SEMA6D: variants seen among roughly 807,000 people sequenced by gnomAD.
SEMA6D encodes the protein semaphorin 6D, also known as semaphorin-6D.
In SEMA6D, 35 loss-of-function variants were observed where a neutral mutation model predicts 106.6. That is an observed-to-expected ratio of 0.33 (90% confidence interval 0.25 to 0.44). The LOEUF (loss-of-function observed/expected upper bound fraction) is 0.44. Among genes scored for constraint, SEMA6D ranks in the 20% least tolerant of loss-of-function variants. The pLI is 1.00. For missense variants in SEMA6D, 1,185 were observed against 1,345.9 expected, an observed-to-expected ratio of 0.88 and a Z score of 1.87; for synonymous variants, 499 against 487.7, an observed-to-expected ratio of 1.02 and a Z score of -0.31.
intron 2 of SEMA6D, among the ~76,000 whole-genome samples, chr15:47,448,381 T>C (rs2042090345): frequency 6.6e-6 from 1 of 151,870 alleles, no homozygotes; most frequent in South Asian, 2.1e-4. Flanking sequence ...GAGGCTTCAG[T>C]GATTTGTGGC....
intron 3 of SEMA6D, among the ~76,000 whole-genome samples, chr15:47,548,923 A>G (rs1296897633): frequency 1.3e-5 from 2 of 152,078 alleles, no homozygotes; most frequent in Non-Finnish European, 2.9e-5. Flanking sequence ...TAAATATAAT[A>G]TCAGTATTAT....
At chr15:47,309,736 T>C (rs1323531907) in intron 1 of SEMA6D, among the ~76,000 whole-genome samples, 1 of 152,166 alleles carries the variant, frequency 6.6e-6, no homozygotes, top group Non-Finnish European at 1.5e-5. Flanking sequence ...TCAGAACACT[T>C]ATATTAGCCT....
chr15:47,349,733 C>G (rs1361269825), intron 1 of SEMA6D, among the ~76,000 whole-genome samples: 1 of 111,398 alleles, frequency 9.0e-6, no homozygotes, highest in East Asian at 2.4e-4. Context: ...AATAGAAAAA[C>G]AGATTTTGGT....
At chr15:47,276,840 G>T (rs2034840503) in intron 1 of SEMA6D, among the ~76,000 whole-genome samples, 1 of 152,138 alleles carries the variant, frequency 6.6e-6, no homozygotes, top group African/African-American at 2.4e-5. Context: ...TCCTATGAAG[G>T]ATCTGGGCAA....
intron 1 of SEMA6D, among the ~76,000 whole-genome samples, chr15:47,369,285 C>T (rs867537262): frequency 6.6e-6 from 1 of 152,106 alleles, no homozygotes; most frequent in Non-Finnish European, 1.5e-5. Context: ...AAAACATTGT[C>T]GAAAGTTGCA....
At position 47,351,053 on chromosome 15, in the gene SEMA6D, C is replaced by G. The variant is rs78527568; in HGVS notation, c.-238-61340C>G. On this transcript the variant is annotated intron_variant, in intron 1 of 19. Transcript: ENST00000558014. Reference sequence around the variant, plus strand: ...GCCTGACTCTTCATTAAATACCCTGCCCAGCTGTCAAGCTAAGCAGCCTCT... The same window carrying G: ...GCCTGACTCTTCATTAAATACCCTGGCCAGCTGTCAAGCTAAGCAGCCTCT... Among the ~76,000 whole-genome samples the G allele has an allele frequency of 1.1e-4, 16 of 152,264 alleles. No individual in the cohort carries two copies. The East Asian group carries it at 3.1e-3, about 29-fold the overall frequency.
intron 2 of SEMA6D, among the ~76,000 whole-genome samples, chr15:47,418,172 A>C (rs1252528078): frequency 6.6e-6 from 1 of 152,114 alleles, no homozygotes; most frequent in Non-Finnish European, 1.5e-5. Context: ...AGGAAGTGAG[A>C]CAGCAAGCCA....
At chr15:47,552,823 T>A (rs796676056) in intron 3 of SEMA6D, among the ~76,000 whole-genome samples, 3 of 54,180 alleles carry the variant, frequency 5.5e-5, no homozygotes, top group African/African-American at 2.2e-4. Context: ...TATAAATATA[T>A]ATATTTTTAT....
intron 4 of SEMA6D, among the ~76,000 whole-genome samples, chr15:47,619,139 G>A (rs1028950466): frequency 2.6e-5 from 4 of 152,038 alleles, no homozygotes; most frequent in Non-Finnish European, 5.9e-5. Context: ...GGCAGAAAGA[G>A]CCAAACCACT....
chr15:47,646,401 G>A (rs558114742), intron 4 of SEMA6D, among the ~76,000 whole-genome samples: 1 of 152,022 alleles, frequency 6.6e-6, no homozygotes, highest in African/African-American at 2.4e-5. Flanking sequence ...ACATGAGAAC[G>A]GACTGAACGC....
chr15:47,553,819 G>C (rs2045837464), intron 3 of SEMA6D, among the ~76,000 whole-genome samples: 1 of 152,118 alleles, frequency 6.6e-6, no homozygotes, highest in Non-Finnish European at 1.5e-5. Flanking sequence ...GCTATAAAAA[G>C]TGGGTCCCAT....
chr15:47,328,386 C>G (rs2037214253), intron 1 of SEMA6D, among the ~76,000 whole-genome samples: 1 of 152,024 alleles, frequency 6.6e-6, no homozygotes, highest in Admixed American at 6.5e-5. Flanking sequence ...CCTGATTTTC[C>G]CACCCAGGAG....
intron 2 of SEMA6D, among the ~76,000 whole-genome samples, chr15:47,467,907 C>G (rs981993140): frequency 1.3e-5 from 2 of 152,046 alleles, no homozygotes; most frequent in Admixed American, 1.3e-4. Flanking sequence ...TTTAATTTTA[C>G]GGCCTTAGTG....
chr15:47,258,448 G>T (rs982253471), intron 1 of SEMA6D, among the ~76,000 whole-genome samples: 14 of 152,274 alleles, frequency 9.2e-5, no homozygotes, highest in African/African-American at 3.1e-4. Flanking sequence ...CTTGTCATGT[G>T]TACAGGCATC....
chr15:47,745,838 A>C (rs1596954266), intron 1 of SEMA6D, among the ~76,000 whole-genome samples: 1 of 152,226 alleles, frequency 6.6e-6, no homozygotes, highest in Non-Finnish European at 1.5e-5. Context: ...CATTTCCATC[A>C]GTAGGAAAAA....
intron 1 of SEMA6D, among the ~76,000 whole-genome samples, chr15:47,371,127 T>C (rs2039258478): frequency 6.6e-6 from 1 of 152,212 alleles, no homozygotes; most frequent in Admixed American, 6.5e-5. Flanking sequence ...TCATGTACTT[T>C]TCCTTTAGGG....
chr15:47,518,583 TA>T (rs1397955069), intron 3 of SEMA6D, among the ~76,000 whole-genome samples: 1 of 152,172 alleles, frequency 6.6e-6, no homozygotes, highest in Non-Finnish European at 1.5e-5. Flanking sequence ...AGAACAACGG[TA>T]AGTATTTATA....
At chr15:47,299,845 A>G (rs534288125) in intron 1 of SEMA6D, among the ~76,000 whole-genome samples, 34 of 152,332 alleles carry the variant, frequency 2.2e-4, no homozygotes, top group African/African-American at 7.9e-4. Flanking sequence ...TAGGTACTTG[A>G]TGAAAAATTG....
At chr15:47,216,218 TTAAG>T (rs1392331845) in intron 1 of SEMA6D, among the ~76,000 whole-genome samples, 2 of 152,206 alleles carry the variant, frequency 1.3e-5, no homozygotes, top group Admixed American at 6.5e-5. Context: ...GCATGTAGCT[TTAAG>T]TAACACTTCA....
Sources: allele counts gnomAD v4.1 joint callset (sites outside exome capture counted in the v4.1 genomes callset), GRCh38; gene constraint gnomAD v4.1.1; transcripts MANE v1.5; gene names NCBI Gene and HGNC (gene_info 2026-07-23, HGNC 2026-07-21).